AGMO: variants seen among roughly 807,000 people sequenced by gnomAD.
The protein encoded by AGMO is glyceryl-ether monooxygenase.
AGMO carries 75 observed loss-of-function variants against 60.2 expected under a neutral mutation model. That is an observed-to-expected ratio of 1.25 (90% CI 1.03 to 1.51). AGMO has a LOEUF of 1.51. Ranked by LOEUF, AGMO falls within the 40% of genes most tolerant of loss-of-function variation. AGMO has a pLI of 0.00. For synonymous variants in AGMO, 261 were observed against 177.1 expected (o/e 1.47, Z -3.76); for missense variants, 763 against 525.5 (o/e 1.45, Z -4.42).
the AGMO span, among the ~76,000 whole-genome samples, chr7:15,118,572 C>T: frequency 6.6e-6 from 1 of 152,058 alleles, no homozygotes; most frequent in Non-Finnish European, 1.5e-5. Context: ...GTTGATTTGC[C>T]TTATGTGTTA....
intron 3 of AGMO, among the ~76,000 whole-genome samples, chr7:15,497,076 G>T (rs1783252959): frequency 6.6e-6 from 1 of 152,156 alleles, no homozygotes; most frequent in Non-Finnish European, 1.5e-5. Context: ...GAAGATATGA[G>T]CTGGAAGTCA....
rs752731543 is a variant in AGMO at position 15,366,196 on chromosome 7, C to T, written c.1101G>A (p.Leu367=). 2 of 1,608,258 alleles carry T rather than the reference C, an allele frequency of 1.2e-6. No homozygotes were observed. Among genetic ancestry groups the T allele is most frequent in the East Asian group, 4.5e-5 (2 of 44,396 alleles). The change falls in exon 11 of 13, where the codon CTG becomes CTA. Residue 367 remains leucine (L), a synonymous_variant. Transcript: ENST00000342526. ...AGGTCAGGATAATGAAGCAAACCCT[C>T]AGAAGGAGAGTAACTTGCGACAGTG... The part of the protein sequence containing the change: ...TAALSQVTLL[L]RVCFIILTLT...
chr7:15,520,476 A>G (rs1343738078), intron 3 of AGMO, among the ~76,000 whole-genome samples: 1 of 152,214 alleles, frequency 6.6e-6, no homozygotes, highest in Admixed American at 6.5e-5. Context: ...AATCCAAAAG[A>G]ATGGAAATCA....
chr7:15,253,997 T>C (rs970953244), intron 12 of AGMO, among the ~76,000 whole-genome samples: 1 of 152,190 alleles, frequency 6.6e-6, no homozygotes, highest in Non-Finnish European at 1.5e-5. Flanking sequence ...TAATGTCCTC[T>C]AGGCTTATCA....
intron 12 of AGMO, among the ~76,000 whole-genome samples, chr7:15,275,097 G>C (rs538913103): frequency 6.6e-6 from 1 of 151,702 alleles, no homozygotes. Flanking sequence ...CTGTGGGTTT[G>C]GTATGTTATT....
chr7:15,229,072 T>A (rs1269549266), intron 12 of AGMO, among the ~76,000 whole-genome samples: 1 of 152,110 alleles, frequency 6.6e-6, no homozygotes, highest in Non-Finnish European at 1.5e-5. Flanking sequence ...TTTACTTCCA[T>A]ATGGCTGCCT....
At chr7:15,418,761 C>A (rs1165712426) in intron 4 of AGMO, 108 bp from the exon 5 acceptor site, 2 of 670,954 alleles carry the variant, frequency 3.0e-6, no homozygotes, top group Non-Finnish European at 5.0e-6. Context: ...ATATCTCATA[C>A]TATATACTGT....
the AGMO span, among the ~76,000 whole-genome samples, chr7:15,184,217 G>C: frequency 1.5e-5 from 2 of 129,092 alleles, no homozygotes; most frequent in African/African-American, 5.9e-5. Flanking sequence ...TTGGAAAAAA[G>C]AAAAGTAAAA....
chr7:15,190,072 GCC>G, the AGMO span, among the ~76,000 whole-genome samples: 2 of 45,816 alleles, frequency 4.4e-5, no homozygotes, highest in African/African-American at 6.5e-5. Context: ...ATTTTTAAGT[GCC>G]ATATATATAT....
chr7:15,504,004 C>T (rs1194662240), intron 3 of AGMO, among the ~76,000 whole-genome samples: 4 of 151,988 alleles, frequency 2.6e-5, no homozygotes, highest in South Asian at 4.1e-4. Flanking sequence ...GAATTGTCCT[C>T]AAAGCAATGA....
intron 5 of AGMO, among the ~76,000 whole-genome samples, chr7:15,408,581 T>C (rs186866888): frequency 1.3e-5 from 2 of 151,590 alleles, no homozygotes; most frequent in Non-Finnish European, 3.0e-5. Flanking sequence ...CCAGAAAAAA[T>C]AGGTACACAT....
the AGMO span, among the ~76,000 whole-genome samples, chr7:15,138,165 A>C: frequency 2.6e-5 from 4 of 152,068 alleles, no homozygotes; most frequent in African/African-American, 7.2e-5. Flanking sequence ...TTTTTAGTAC[A>C]TCTATTATTG....
intron 12 of AGMO, among the ~76,000 whole-genome samples, chr7:15,240,091 T>G (rs1261114151): frequency 2.0e-5 from 3 of 152,150 alleles, no homozygotes; most frequent in African/African-American, 7.2e-5. Context: ...AAACATGCTT[T>G]TTCCTAACAA....
At chr7:15,246,010 G>C (rs1472464588) in intron 12 of AGMO, among the ~76,000 whole-genome samples, 2 of 151,932 alleles carry the variant, frequency 1.3e-5, no homozygotes, top group Non-Finnish European at 2.9e-5. Context: ...TCTTACCATG[G>C]AAAATAAAAG....
the AGMO span, among the ~76,000 whole-genome samples, chr7:15,183,008 C>A: frequency 1.3e-5 from 2 of 152,176 alleles, no homozygotes; most frequent in African/African-American, 4.8e-5. Flanking sequence ...GGGATATCCA[C>A]CCCCATGATT....
chr7:15,260,327 T>C (rs748603449), intron 12 of AGMO, among the ~76,000 whole-genome samples: 4 of 151,804 alleles, frequency 2.6e-5, no homozygotes, highest in South Asian at 4.2e-4. Flanking sequence ...AAAAAGATAT[T>C]CCATGCAAAT....
chr7:15,321,940 C>T (rs988259068), intron 12 of AGMO, among the ~76,000 whole-genome samples: 2 of 151,756 alleles, frequency 1.3e-5, no homozygotes, highest in Non-Finnish European at 2.9e-5. Context: ...CAATTTTTTT[C>T]TTACTGGGTT....
At chr7:15,270,595 A>G (rs1473709970) in intron 12 of AGMO, among the ~76,000 whole-genome samples, 11 of 57,624 alleles carry the variant, frequency 1.9e-4, no homozygotes, top group Admixed American at 1.8e-3. Context: ...ATCTGTTGAT[A>G]ATTTTTTTTT....
At chr7:15,228,290 A>C (rs544591858) in intron 12 of AGMO, among the ~76,000 whole-genome samples, 2 of 152,246 alleles carry the variant, frequency 1.3e-5, no homozygotes, top group Non-Finnish European at 2.9e-5. Context: ...ACCTGAGTTG[A>C]AGGCTTTCCA....
Sources: allele counts gnomAD v4.1 joint callset (sites outside exome capture counted in the v4.1 genomes callset), GRCh38; gene constraint gnomAD v4.1.1; transcripts MANE v1.5; gene names NCBI Gene and HGNC (gene_info 2026-07-23, HGNC 2026-07-21).